Variants in ATP7B observed in about 807,000 individuals in gnomAD.
The protein encoded by ATP7B is copper-transporting ATPase 2.
A neutral mutation model predicts 118.9 loss-of-function variants in ATP7B; 113 were observed. That is an observed-to-expected ratio of 0.95 (90% CI 0.82 to 1.11). The LOEUF (loss-of-function observed/expected upper bound fraction) is 1.11. Among genes scored for constraint, ATP7B ranks in the 50% most tolerant of loss-of-function variants. The pLI is 0.00. For synonymous variants in ATP7B, 777 were observed against 727.4 expected, an observed-to-expected ratio of 1.07 and a Z score of -1.10; for missense variants, 1,867 against 1,871.4, an observed-to-expected ratio of 1.00 and a Z score of 0.04.
chr13:51,942,704 C>T, intron 14 of ATP7B, 150 bp from the exon 15 acceptor site: 1 of 903,658 alleles, frequency 1.1e-6, no homozygotes, highest in Non-Finnish European at 1.8e-6. Flanking sequence ...GGAGGTGGAA[C>T]AGATAGGAAA....
At chr13:51,962,808 T>C (rs9526813) in intron 5 of ATP7B, among the ~76,000 whole-genome samples, 6,518 of 152,018 alleles carry the variant, frequency 0.043, 220 homozygotes, top group South Asian at 0.11. Context: ...TCAAAAAGGG[T>C]TGGCTGGGCA....
chr13:52,000,185 A>G (rs1953422114), intron 1 of ATP7B, among the ~76,000 whole-genome samples: 1 of 152,210 alleles, frequency 6.6e-6, no homozygotes. Flanking sequence ...AAAATACCTT[A>G]GACTGGGTAA....
At chr13:51,940,776 T>C (rs939275355) in intron 16 of ATP7B, among the ~76,000 whole-genome samples, 1 of 152,020 alleles carries the variant, frequency 6.6e-6, no homozygotes, top group African/African-American at 2.4e-5. Context: ...TCTGCAGGGA[T>C]GAAGGAGAAG....
intron 16 of ATP7B, 127 bp downstream of exon 16, chr13:51,940,954 G>C (rs1247442495): frequency 3.6e-6 from 5 of 1,377,660 alleles, no homozygotes; most frequent in East Asian, 2.3e-5. Flanking sequence ...TGGAAAACAG[G>C]CCTGAAATTA....
In ATP7B at chr13:51,934,954, G is replaced by A; in HGVS notation, c.4200C>T (p.Val1400=). The A allele has an allele frequency of 6.2e-7, 1 of 1,614,082 alleles. No homozygotes were observed. Among genetic ancestry groups the A allele is most frequent in the African/African-American group, 1.3e-5 (1 of 75,062 alleles). The change falls in exon 21 of 21, where the codon GTC becomes GTT. Residue 1400 remains valine (V), a synonymous_variant. Coordinates refer to ENST00000242839, the MANE Select transcript of ATP7B (RefSeq NM_000053.4). ...GHMKPLTASQ[V]SVHIGMDDRW... is the part of the protein sequence containing the mutation. ...TGTCATCCATGCCTATGTGCACACT[G>A]ACCTGGGATGCCGTCAGGGGCTTCA...
rs1555287300 is a variant in ATP7B at position 51,946,307 on chromosome 13, T to TG, written c.3036dup (p.Lys1013GlnfsTer15). ...ACCTTGTGCGCCATCTCCAGGGGCT[T>TG]GCCTCCCTTGATGAGGATGCCGTTC... On this transcript the variant is annotated frameshift_variant, in exon 13 of 21. Coordinates refer to ENST00000242839, the MANE Select transcript of ATP7B (RefSeq NM_000053.4). LOFTEE classifies it high-confidence loss of function. The TG allele has an allele frequency of 1.3e-6, 2 of 1,597,306 alleles. No homozygotes were observed. The highest frequency in any genetic ancestry group is 1.7e-6 in the Non-Finnish European group (2 of 1,172,278).
In ATP7B at chr13:51,950,001, C is replaced by T; in HGVS notation, c.2730+6G>A. 6.2e-7 allele frequency: 1 copy of T among 1,614,194 alleles called. No homozygotes were observed. The highest frequency in any genetic ancestry group is 1.3e-5 in the African/African-American group (1 of 75,062). On this transcript the variant is annotated splice_donor_region_variant and intron_variant, in intron 11 of 20. Coordinates refer to ENST00000242839, the MANE Select transcript of ATP7B (RefSeq NM_000053.4). Reference sequence around the variant, plus strand: ...ATGAAGTTAGTTTTAAAAATTTCTTCATTACCTTTGACATCTGAGCCTCTT... The same window carrying T: ...ATGAAGTTAGTTTTAAAAATTTCTTTATTACCTTTGACATCTGAGCCTCTT...
chr13:51,975,084 C>G lies in ATP7B; in HGVS notation c.136G>C (p.Gly46Arg), dbSNP rs756032027. 1 of 1,614,246 alleles carries G rather than the reference C, an allele frequency of 6.2e-7. No homozygotes were observed. The highest frequency in any genetic ancestry group is 8.5e-7 in the Non-Finnish European group (1 of 1,180,044). ...SFAFDNVGYEGGLDGLGPSSQ... is the reference protein window; with the variant it reads ...SFAFDNVGYERGLDGLGPSSQ... ...GAAGGGCCCAGGCCATCCAGACCACCTTCATAGCCAACATTGTCAAAAGCA... is the reference window on the plus strand; with the variant it reads ...GAAGGGCCCAGGCCATCCAGACCACGTTCATAGCCAACATTGTCAAAAGCA... Residue 46 changes from glycine to arginine, a missense_variant, in exon 2 of 21, where the codon GGT becomes CGT. Physicochemically the swap from Gly to Arg is moderately radical, Grantham distance 125. Transcript: ENST00000242839.
chr13:52,001,247 C>T (rs1953478518), intron 1 of ATP7B, among the ~76,000 whole-genome samples: 1 of 152,078 alleles, frequency 6.6e-6, no homozygotes, highest in Non-Finnish European at 1.5e-5. Context: ...TGCTCTTAGC[C>T]CCTAAAGTCT....
intron 1 of ATP7B, among the ~76,000 whole-genome samples, chr13:51,987,926 TA>T (rs1275105014): frequency 6.6e-6 from 1 of 152,162 alleles, no homozygotes; most frequent in Non-Finnish European, 1.5e-5. Flanking sequence ...GATTAAAACT[TA>T]AACGTAAGAC....
chr13:51,962,032 T>C, intron 5 of ATP7B, 119 bp from the exon 6 acceptor site: 2 of 818,678 alleles, frequency 2.4e-6, no homozygotes, highest in Non-Finnish European at 4.0e-6. Flanking sequence ...AGTGCCTCAG[T>C]AGACTTTGTG....
At position 51,944,177 on chromosome 13, in the gene ATP7B, C is replaced by G. The variant is rs750754702; in HGVS notation, c.3175G>C (p.Val1059Leu). 1 of 1,614,210 alleles carries G rather than the reference C, an allele frequency of 6.2e-7. No homozygotes were observed. Among genetic ancestry groups the G allele is most frequent in the Non-Finnish European group, 8.5e-7 (1 of 1,180,046 alleles). ...ATLPLRKVLAVVGTAEASSEH... is the reference protein window; with the variant it reads ...ATLPLRKVLALVGTAEASSEH... ...CTGCTGGCCTCCGCAGTCCCCACCA[C>G]AGCCAGAACCTTCCTGAGGGGCAGT... Residue 1059 changes from valine to leucine, a missense_variant, in exon 14 of 21, where the codon GTG (valine) becomes CTG (leucine). Transcript: ENST00000242839.
In ATP7B at chr13:51,949,668, G is replaced by C; in HGVS notation, c.2859C>G (p.Tyr953Ter). 6.2e-7 allele frequency: 1 copy of C among 1,613,840 alleles called. No individual in the cohort carries two copies. The highest frequency in any genetic ancestry group is 2.2e-5 in the East Asian group (1 of 44,876). The change falls in exon 12 of 21, where the codon TAC becomes TAG. Residue 953 changes from tyrosine to a stop codon, truncating the protein, a stop_gained. Transcript: ENST00000242839. LOFTEE classifies it high-confidence loss of function. ...CCCAAGGCATTCAACTTACAGGAAA[G>C]TATCTCTGAACAACACCAAAATCGA... ...GFIDFGVVQR[Y>*]FPNPNKHISQ...
At position 51,978,444 on chromosome 13, in the gene ATP7B, C is replaced by T. The variant is rs147934951; in HGVS notation, c.52-3276G>A. 4.0e-3 allele frequency among the ~76,000 whole-genome samples: 612 copies of T among 152,294 alleles called. 6 individuals carry two copies. Among genetic ancestry groups the T allele is most frequent in the African/African-American group, 0.013 (560 of 41,576 alleles). ...GTGGGAGTGTAACCTCTCTGGAGGG[C>T]AATTTGCAATACCTATTAAAATTAC... On this transcript the variant is annotated intron_variant, in intron 1 of 20. Coordinates refer to ENST00000242839, the MANE Select transcript of ATP7B (RefSeq NM_000053.4).
rs1956909306 is a variant in ATP7B, at chr13:51,935,578, C to T, written c.4124+15G>A. 6.2e-6 allele frequency: 10 copies of T among 1,610,696 alleles called. No individual in the cohort carries two copies. The East Asian group carries it at 2.2e-4, about 36-fold the overall frequency. ...CTGGGAGCCTCCCACAGATGCTCCA[C>T]CTGAGGGGACTCACCACTTGAGCTG... On this transcript the variant is annotated intron_variant, in intron 20 of 20. Coordinates refer to ENST00000242839, the MANE Select transcript of ATP7B (RefSeq NM_000053.4).
Position 51,968,493 on chromosome 13 carries a change from G to T in ATP7B, c.1658C>A (p.Ala553Glu), listed in dbSNP as rs1179062239. The change falls in exon 4 of 21, where the codon GCA (alanine) becomes GAA (glutamate). Residue 553 changes from alanine to glutamate, a missense_variant. Physicochemically the swap from Ala to Glu is moderately radical, Grantham distance 107 (BLOSUM62 -1). Transcript: ENST00000242839. The stretch of plus-strand genomic sequence containing the variant: ...GCCTGCGTAGTCCTCCATGACTGCT[G>T]CCTCAAAACCCAGGTCCTGGATGAA... ...AQFIQDLGFE[A>E]AVMEDYAGSD... The T allele has an allele frequency of 6.2e-7, 1 of 1,614,158 alleles. No individual in the cohort carries two copies. The highest frequency in any genetic ancestry group is 1.1e-5 in the South Asian group (1 of 91,066).
chr13:51,967,164 C>T, intron 4 of ATP7B: 1 of 1,565,782 alleles, frequency 6.4e-7, no homozygotes. Flanking sequence ...TCCATCATCA[C>T]TTTGGACAGG....
At chr13:51,942,656 G>A in intron 14 of ATP7B, 102 bp from the exon 15 acceptor site, 1 of 1,451,610 alleles carries the variant, frequency 6.9e-7, no homozygotes, top group Middle Eastern at 2.0e-4. Context: ...GGTGGCAAGA[G>A]AGCAGCGGAA....
At chr13:51,938,952 G>T in intron 17 of ATP7B, 99 bp downstream of exon 17, 1 of 1,570,640 alleles carries the variant, frequency 6.4e-7, no homozygotes, top group South Asian at 1.1e-5. Flanking sequence ...AAGGGAGAAA[G>T]AGCAGGAGTA....
Sources: gnomAD v4.1 joint callset for allele counts (sites outside exome capture counted in the v4.1 genomes callset) on GRCh38, gnomAD v4.1.1 for gene constraint, MANE v1.5 for transcripts, NCBI Gene and HGNC (gene_info 2026-07-23, HGNC 2026-07-21) for gene names.